Variants in AGAP1 observed in about 807,000 individuals in gnomAD.
The protein encoded by AGAP1 is ArfGAP with GTPase domain, ankyrin repeat and PH domain 1, also known as arf-GAP with GTPase, ANK repeat and PH domain-containing protein 1.
In AGAP1, 29 loss-of-function variants were observed where a neutral mutation model predicts 105.3. The ratio of observed to expected loss-of-function variants is 0.28; its 90% CI spans 0.21 to 0.38. The LOEUF is 0.38. Among genes scored for constraint, AGAP1 ranks in the 10% least tolerant of loss-of-function variants. The probability of loss-of-function intolerance (pLI) is 1.00; values close to 1 mark genes in which losing one functional copy is unlikely to be tolerated. For missense variants in AGAP1, 998 were observed against 1,165.1 expected, an observed-to-expected ratio of 0.86 and a Z score of 2.09; for synonymous variants, 509 against 485.9, an observed-to-expected ratio of 1.05 and a Z score of -0.63.
chr2:235,516,090 TGCTGGC>T (rs1412618851), intron 1 of AGAP1, among the ~76,000 whole-genome samples: 2 of 148,272 alleles, frequency 1.3e-5, no homozygotes, highest in Non-Finnish European at 3.0e-5. Context: ...CTGCTGCTGC[TGCTGGC>T]CCGCCAGTTC....
At chr2:235,834,711 C>T (rs1245626925) in intron 9 of AGAP1, among the ~76,000 whole-genome samples, 1 of 152,110 alleles carries the variant, frequency 6.6e-6, no homozygotes, top group Non-Finnish European at 1.5e-5. Flanking sequence ...TAGGAAAATG[C>T]CATTTAAATA....
chr2:235,807,816 T>A (rs1559511912), intron 9 of AGAP1, among the ~76,000 whole-genome samples: 1 of 152,200 alleles, frequency 6.6e-6, no homozygotes, highest in Non-Finnish European at 1.5e-5. Context: ...TGTGCGCTCT[T>A]GTTTGTAATT....
At chr2:235,835,368 T>G (rs1175800076) in intron 9 of AGAP1, among the ~76,000 whole-genome samples, 1 of 152,166 alleles carries the variant, frequency 6.6e-6, no homozygotes, top group Non-Finnish European at 1.5e-5. Flanking sequence ...AAATACACAG[T>G]GTATCTTGTG....
At chr2:235,530,700 C>A (rs1559227339) in intron 1 of AGAP1, among the ~76,000 whole-genome samples, 1 of 151,644 alleles carries the variant, frequency 6.6e-6, no homozygotes, top group Non-Finnish European at 1.5e-5. Flanking sequence ...TTGATAAGGA[C>A]CCTTGTGATT....
rs959466483 is a variant in AGAP1, at chr2:235,865,045, C to T, written c.1051-18300C>T. On this transcript the variant is annotated intron_variant, in intron 9 of 17. Transcript: ENST00000304032. This position sits in a 1 kb window ranked among gnomAD's most constrained non-coding sequence, Gnocchi z 6.2. Reference sequence around the variant, plus strand: ...GTTCTTGGTCTTGTTATTCAGTGGACGCTGTATTAAATTGGATTCTGTGTC... The same window carrying T: ...GTTCTTGGTCTTGTTATTCAGTGGATGCTGTATTAAATTGGATTCTGTGTC... Among the ~76,000 whole-genome samples the T allele has an allele frequency of 6.6e-6, 1 of 152,126 alleles. No homozygotes were observed. The highest frequency in any genetic ancestry group is 2.4e-5 in the African/African-American group (1 of 41,412).
At chr2:235,671,901 A>G (rs763436973) in intron 1 of AGAP1, among the ~76,000 whole-genome samples, 5 of 152,110 alleles carry the variant, frequency 3.3e-5, no homozygotes, top group Admixed American at 1.3e-4. Flanking sequence ...AGAAACCTCA[A>G]AACACAGACT....
chr2:235,638,217 T>G (rs1197747407), intron 1 of AGAP1, among the ~76,000 whole-genome samples: 1 of 152,140 alleles, frequency 6.6e-6, no homozygotes, highest in Admixed American at 6.5e-5. Flanking sequence ...CTGGGTATAC[T>G]CCTCCCATCT....
Position 235,882,298 on chromosome 2 carries a change from C to T in AGAP1, c.1051-1047C>T, listed in dbSNP as rs1006092503. 1.2e-5 allele frequency: 8 copies of T among 651,056 alleles called. No individual in the cohort carries two copies. The highest frequency in any genetic ancestry group is 7.4e-5 in the African/African-American group (4 of 53,918). The allele number at this position is 651,056 out of a possible 1,614,324, so 40.3% of individuals were successfully genotyped here. On this transcript the variant is annotated intron_variant, in intron 9 of 17. Coordinates refer to ENST00000304032, the MANE Select transcript of AGAP1 (RefSeq NM_001037131.3). This position sits in a 1 kb window ranked among gnomAD's most constrained non-coding sequence, Gnocchi z 4.6. ...TGTGGCTCGTGTCCATCTTGCAGGT[C>T]GCTCTTCCTCCACATCACAACTGGG...
At chr2:235,913,530 T>G (rs896868663) in intron 11 of AGAP1, among the ~76,000 whole-genome samples, 8 of 152,234 alleles carry the variant, frequency 5.3e-5, no homozygotes, top group Admixed American at 5.2e-4. Context: ...TTCTGGCCTC[T>G]CAGATGTGTT....
At chr2:235,838,531 C>T (rs1960437913) in intron 9 of AGAP1, among the ~76,000 whole-genome samples, 1 of 152,138 alleles carries the variant, frequency 6.6e-6, no homozygotes, top group Admixed American at 6.5e-5. Context: ...TGATTAACTA[C>T]GTATTGTACC....
intron 13 of AGAP1, among the ~76,000 whole-genome samples, chr2:236,031,948 G>A (rs936469586): frequency 6.6e-6 from 1 of 152,166 alleles, no homozygotes; most frequent in Non-Finnish European, 1.5e-5. Flanking sequence ...GCCTCGTTCT[G>A]GGCCTGCCGT....
rs930524786 is a variant in AGAP1, at chr2:235,739,875, G to T, written c.311-1088G>T. Among the ~76,000 whole-genome samples the T allele has an allele frequency of 6.6e-6, 1 of 152,218 alleles. No homozygotes were observed. The highest frequency in any genetic ancestry group is 1.5e-5 in the Non-Finnish European group (1 of 68,038). ...CCCGTCGCAGGGGAGGGAATCAGACGTCGCTCTGGGCGGCAGTGGAGCTGG... is the reference window on the plus strand; with the variant it reads ...CCCGTCGCAGGGGAGGGAATCAGACTTCGCTCTGGGCGGCAGTGGAGCTGG... On this transcript the variant is annotated intron_variant, in intron 3 of 17. Transcript: ENST00000304032. This position sits in a 1 kb window ranked among gnomAD's most constrained non-coding sequence, Gnocchi z 5.3.
At chr2:235,756,077 G>A (rs6744745) in intron 6 of AGAP1, among the ~76,000 whole-genome samples, 2,087 of 152,318 alleles carry the variant, frequency 0.014, 48 homozygotes, top group African/African-American at 0.048. Context: ...TGGAGAGCGG[G>A]CTCTGCCTGT....
intron 16 of AGAP1, among the ~76,000 whole-genome samples, chr2:236,098,123 G>C (rs1477131993): frequency 6.6e-6 from 1 of 152,152 alleles, no homozygotes; most frequent in Non-Finnish European, 1.5e-5. Context: ...TTTAGCTATT[G>C]TGAATAATGC....
intron 1 of AGAP1, among the ~76,000 whole-genome samples, chr2:235,708,141 C>T (rs1950647288): frequency 6.6e-6 from 1 of 152,244 alleles, no homozygotes; most frequent in Admixed American, 6.5e-5. Flanking sequence ...AACTTTTAGG[C>T]ATCTTATGAA....
chr2:235,979,404 G>A lies in AGAP1; in HGVS notation c.1645+10781G>A, dbSNP rs2054995138. ...TCAAATGCCTGTCTCGCCTGGCTGC[G>A]GGGTCCGATCATAGTTACTGACTCG... On this transcript the variant is annotated intron_variant, in intron 13 of 17. Transcript: ENST00000304032. This position sits in a 1 kb window ranked among gnomAD's most constrained non-coding sequence, Gnocchi z 4.5. Among the ~76,000 whole-genome samples, 3 of 152,250 alleles carry A rather than the reference G, an allele frequency of 2.0e-5. No individual in the cohort carries two copies. Among genetic ancestry groups the A allele is most frequent in the Non-Finnish European group, 2.9e-5 (2 of 68,020 alleles).
Position 235,867,390 on chromosome 2 carries a change from T to A in AGAP1, c.1051-15955T>A, listed in dbSNP as rs1231616486. ...TACAGAAAGAGGCAGAGGATCAGAT[T>A]TGGCCGACATGTGGGAGCTTGCCGG... On this transcript the variant is annotated intron_variant, in intron 9 of 17. Transcript: ENST00000304032. The surrounding 1 kb of genome is among the most constrained non-coding windows in gnomAD (Gnocchi z 5.4). Among the ~76,000 whole-genome samples, 1 of 152,188 alleles carries A rather than the reference T, an allele frequency of 6.6e-6. No individual in the cohort carries two copies. The highest frequency in any genetic ancestry group is 2.4e-5 in the African/African-American group (1 of 41,444).
Position 235,789,059 on chromosome 2 carries a change from A to G in AGAP1, c.674-8700A>G, listed in dbSNP as rs965892768. The stretch of plus-strand genomic sequence containing the variant: ...GAACTATTGTGCTTTGAAGGAGTGC[A>G]TGGAAGAGGAAGGGATGTGTGTTTC... On this transcript the variant is annotated intron_variant, in intron 6 of 17. Coordinates refer to ENST00000304032, the MANE Select transcript of AGAP1 (RefSeq NM_001037131.3). This position sits in a 1 kb window ranked among gnomAD's most constrained non-coding sequence, Gnocchi z 4.2. Among the ~76,000 whole-genome samples the G allele has an allele frequency of 6.6e-6, 1 of 152,214 alleles. No homozygotes were observed. Among genetic ancestry groups the G allele is most frequent in the Non-Finnish European group, 1.5e-5 (1 of 68,036 alleles).
rs1021119208 is a variant in AGAP1, at chr2:235,961,068, A to G, written c.1484-7394A>G. ...CCATTACTCATCCTGAATCTGTTTC[A>G]GGAAGGATGTGTGCTGGTGAAGAGG... On this transcript the variant is annotated intron_variant, in intron 12 of 17. Transcript: ENST00000304032. This position sits in a 1 kb window ranked among gnomAD's most constrained non-coding sequence, Gnocchi z 5.9. Among the ~76,000 whole-genome samples, 25 of 152,178 alleles carry G rather than the reference A, an allele frequency of 1.6e-4. No homozygotes were observed. The highest frequency in any genetic ancestry group is 6.0e-4 in the African/African-American group (25 of 41,430).
Sources: gnomAD v4.1 joint callset for allele counts (sites outside exome capture counted in the v4.1 genomes callset) on GRCh38, gnomAD v4.1.1 for gene constraint, Gnocchi (gnomAD v3.1) non-coding constraint, MANE v1.5 for transcripts, NCBI Gene and HGNC (gene_info 2026-07-23, HGNC 2026-07-21) for gene names.